Variants in ADGRB3 observed in about 807,000 individuals in gnomAD.
ADGRB3 encodes brain-specific angiogenesis inhibitor 3.
In ADGRB3, 37 loss-of-function variants were observed where a neutral mutation model predicts 193.4. The ratio of observed to expected loss-of-function variants is 0.19; its 90% CI spans 0.15 to 0.25. ADGRB3 has a LOEUF of 0.25. Among genes scored for constraint, ADGRB3 ranks in the 10% least tolerant of loss-of-function variants. ADGRB3 has a pLI of 1.00. For missense variants in ADGRB3, 1,637 were observed against 1,852.9 expected, an observed-to-expected ratio of 0.88 and a Z score of 2.14; for synonymous variants, 690 against 644.2, an observed-to-expected ratio of 1.07 and a Z score of -1.08.
intron 10 of ADGRB3, among the ~76,000 whole-genome samples, chr6:68,982,606 T>C (rs998965524): frequency 6.6e-6 from 1 of 152,156 alleles, no homozygotes; most frequent in Admixed American, 6.6e-5. Flanking sequence ...AGCTGGGTGC[T>C]TAACACTGGA....
chr6:69,288,442 G>A (rs1767599219), intron 20 of ADGRB3, among the ~76,000 whole-genome samples: 1 of 152,016 alleles, frequency 6.6e-6, no homozygotes. Flanking sequence ...TTTTATTGCA[G>A]CACCGTTCAC....
chr6:68,824,931 G>A (rs1426045373), intron 3 of ADGRB3, among the ~76,000 whole-genome samples: 1 of 152,086 alleles, frequency 6.6e-6, no homozygotes, highest in East Asian at 1.9e-4. Flanking sequence ...CTCCCTCACG[G>A]CAACCTCCGC....
chr6:68,907,855 C>T lies in ADGRB3; in HGVS notation c.758-22704C>T, dbSNP rs376821427. Among the ~76,000 whole-genome samples the T allele has an allele frequency of 5.0e-4, 76 of 151,862 alleles. 2 individuals are homozygous for T. Among genetic ancestry groups the T allele is most frequent in the African/African-American group, 1.8e-3 (73 of 41,504 alleles). On this transcript the variant is annotated intron_variant, in intron 3 of 31. Coordinates refer to ENST00000370598, the MANE Select transcript of ADGRB3 (RefSeq NM_001704.3). ...AAAACACACTAGGTAGCTTTTCATC[C>T]TTTCCATTTCTGTAACATTTTATAT...
intron 20 of ADGRB3, among the ~76,000 whole-genome samples, chr6:69,299,328 A>G (rs537642115): frequency 4.0e-5 from 6 of 151,806 alleles, no homozygotes; most frequent in African/African-American, 1.4e-4. Flanking sequence ...GTAGTTGGCA[A>G]ATATTTCCTC....
At chr6:68,966,451 C>T (rs1768383200) in intron 8 of ADGRB3, among the ~76,000 whole-genome samples, 2 of 152,168 alleles carry the variant, frequency 1.3e-5, no homozygotes, top group Non-Finnish European at 2.9e-5. Context: ...CTACTTATCC[C>T]CAACTTTACA....
In ADGRB3 at chr6:69,101,245, T is replaced by C. The variant is rs549830180; in HGVS notation, c.2480+25207T>C. Among the ~76,000 whole-genome samples, 155 of 152,156 alleles carry C rather than the reference T, an allele frequency of 1.0e-3. No homozygotes were observed. The Middle Eastern group carries it at 0.01, about 10-fold the overall frequency. Reference sequence around the variant, plus strand: ...AAACTGCTCAAATGAATAGTATGATTCAGTAAGGGTTAACGCATATAGCAT... The same window carrying C: ...AAACTGCTCAAATGAATAGTATGATCCAGTAAGGGTTAACGCATATAGCAT... On this transcript the variant is annotated intron_variant, in intron 17 of 31. Transcript: ENST00000370598.
chr6:69,037,436 TTC>T (rs1357046028), intron 13 of ADGRB3, among the ~76,000 whole-genome samples: 1 of 152,148 alleles, frequency 6.6e-6, no homozygotes, highest in East Asian at 1.9e-4. Flanking sequence ...CTGAAAATAT[TTC>T]TGTTTTAGCT....
At chr6:69,011,135 ATGTGTGTGTGTGTG>A (rs66675226) in intron 11 of ADGRB3, among the ~76,000 whole-genome samples, 13 of 145,032 alleles carry the variant, frequency 9.0e-5, no homozygotes, top group East Asian at 2.0e-4. Context: ...ATACATATAT[ATGTGTGTGTGTGTG>A]TGTGTGTGTG....
At position 69,333,019 on chromosome 6, in the gene ADGRB3, A is replaced by T. The variant is rs761445751; in HGVS notation, c.3188+11A>T. 1 of 1,612,328 alleles carries T rather than the reference A, an allele frequency of 6.2e-7. No homozygotes were observed. Among genetic ancestry groups the T allele is most frequent in the East Asian group, 2.2e-5 (1 of 44,832 alleles). ...CAAACACAGAGCCGGGTAAGCTGCA[A>T]TTGGTGGATTTTGAAGGTTATTTAT... is the stretch of plus-strand genomic sequence containing the variant. On this transcript the variant is annotated intron_variant, in intron 24 of 31. Coordinates refer to ENST00000370598, the MANE Select transcript of ADGRB3 (RefSeq NM_001704.3).
At chr6:69,210,422 T>C (rs1386633880) in intron 17 of ADGRB3, among the ~76,000 whole-genome samples, 1 of 151,976 alleles carries the variant, frequency 6.6e-6, no homozygotes, top group African/African-American at 2.4e-5. Context: ...CCTATCCAGA[T>C]TAACGGTGGG....
chr6:69,134,006 T>C (rs1417866362), intron 17 of ADGRB3, among the ~76,000 whole-genome samples: 2 of 152,170 alleles, frequency 1.3e-5, no homozygotes, highest in African/African-American at 4.8e-5. Flanking sequence ...TTGTTGCAAA[T>C]GCCATTATTT....
intron 4 of ADGRB3, among the ~76,000 whole-genome samples, chr6:68,935,564 A>G (rs1306049287): frequency 6.6e-6 from 1 of 152,222 alleles, no homozygotes; most frequent in Non-Finnish European, 1.5e-5. Flanking sequence ...TAAATGGTTA[A>G]CTTAAGTAGT....
intron 3 of ADGRB3, among the ~76,000 whole-genome samples, chr6:68,904,443 C>G (rs1474535221): frequency 6.6e-6 from 1 of 152,098 alleles, no homozygotes; most frequent in Non-Finnish European, 1.5e-5. Context: ...ACACACTTTG[C>G]TACTTCTCTC....
At chr6:68,930,748 C>A in intron 4 of ADGRB3, 79 bp downstream of exon 4, 1 of 1,108,664 alleles carries the variant, frequency 9.0e-7, no homozygotes. Context: ...TCTTTTGCTG[C>A]ACATTTGTCA....
intron 10 of ADGRB3, among the ~76,000 whole-genome samples, chr6:68,982,382 T>C (rs919031994): frequency 2.0e-5 from 3 of 152,226 alleles, no homozygotes; most frequent in African/African-American, 4.8e-5. Context: ...CATTCGGAAA[T>C]TGATCTGGGT....
At chr6:68,805,252 A>T (rs1315565402) in intron 3 of ADGRB3, among the ~76,000 whole-genome samples, 2 of 152,150 alleles carry the variant, frequency 1.3e-5, no homozygotes, top group Non-Finnish European at 2.9e-5. Context: ...TTCTAATGTT[A>T]TTTTAACATA....
rs59522720 is a variant in ADGRB3 at position 69,210,721 on chromosome 6, A to G, written c.2481-22569A>G. 2.1e-3 allele frequency among the ~76,000 whole-genome samples: 319 copies of G among 152,216 alleles called. 5 individuals carry two copies. The East Asian group carries it at 0.046, about 22-fold the overall frequency. ...TTTCTTAAAGGTCCCATCTCTCAAC[A>G]CTGTTAAAATGGCAAATAAATTTCA... On this transcript the variant is annotated intron_variant, in intron 17 of 31. Coordinates refer to ENST00000370598, the MANE Select transcript of ADGRB3 (RefSeq NM_001704.3).
At chr6:68,956,374 A>G (rs1768071869) in intron 7 of ADGRB3, among the ~76,000 whole-genome samples, 186 bp downstream of exon 7, 2 of 151,942 alleles carry the variant, frequency 1.3e-5, no homozygotes. Flanking sequence ...AATTTATTCT[A>G]ATGTATGCCA....
chr6:68,855,799 G>A (rs1011579143), intron 3 of ADGRB3, among the ~76,000 whole-genome samples: 5 of 152,072 alleles, frequency 3.3e-5, no homozygotes, highest in East Asian at 1.9e-4. Flanking sequence ...CAGGAAGATC[G>A]CTTGAGTCCA....
Sources: gnomAD v4.1 joint callset for allele counts (sites outside exome capture counted in the v4.1 genomes callset) on GRCh38, gnomAD v4.1.1 for gene constraint, MANE v1.5 for transcripts, NCBI Gene and HGNC (gene_info 2026-07-23, HGNC 2026-07-21) for gene names.